MROH2A: variants seen among roughly 807,000 people sequenced by gnomAD.
MROH2A encodes the protein maestro heat like repeat family member 2A.
In MROH2A, 174 loss-of-function variants were observed where a neutral mutation model predicts 200.4. That is an observed-to-expected ratio of 0.87 (90% CI 0.77 to 0.98). The LOEUF (loss-of-function observed/expected upper bound fraction) is 0.98, where lower values mean the gene tolerates loss of function less well. Among genes scored for constraint, MROH2A ranks in the 50% least tolerant of loss-of-function variants. The pLI is 0.00. For synonymous variants in MROH2A, 829 were observed against 840.4 expected, an observed-to-expected ratio of 0.99 and a Z score of 0.23; for missense variants, 2,045 against 2,139.6, an observed-to-expected ratio of 0.96 and a Z score of 0.87.
At position 233,804,537 on chromosome 2, in the gene MROH2A, A is replaced by G. The variant is rs1011705394; in HGVS notation, c.1934A>G (p.Lys645Arg). 1.9e-5 allele frequency: 30 copies of G among 1,551,170 alleles called. No homozygotes were observed. Among genetic ancestry groups the G allele is most frequent in the African/African-American group, 1.9e-4 (14 of 73,046 alleles). ...TGGGATCAGAAAGCCTGGGAAGACA[A>G]GCTGATTCAGGTAAACGGGTAACAA... ...FTWDQKAWEDKLIQFLRNSLK... is the reference protein window; with the variant it reads ...FTWDQKAWEDRLIQFLRNSLK... The change falls in exon 18 of 42, where the codon AAG becomes AGG. Residue 645 changes from lysine to arginine, a missense_variant. This residue lies in a region of MROH2A where 1,201 missense variants were observed against 1,311.3 expected (regional missense o/e 0.92). Coordinates refer to ENST00000389758, the MANE Select transcript of MROH2A (RefSeq NM_001394639.1).
chr2:233,793,275 A>T (rs935719859), intron 6 of MROH2A, among the ~76,000 whole-genome samples: 1 of 152,160 alleles, frequency 6.6e-6, no homozygotes, highest in African/African-American at 2.4e-5. Context: ...ATGCTATTTC[A>T]ATCTGATCAC....
Position 233,788,062 on chromosome 2 carries a change from AT to A in MROH2A, c.277-1433del, listed in dbSNP as rs35843250. The stretch of plus-strand genomic sequence containing the variant: ...ATACATATATATTATATATACATAT[AT>A]TATATATATACATATATATTATATA... On this transcript the variant is annotated intron_variant, in intron 3 of 41. Transcript: ENST00000389758. Among the ~76,000 whole-genome samples the A allele has an allele frequency of 6.0e-4, 48 of 79,846 alleles. 3 individuals are homozygous for A. The highest frequency in any genetic ancestry group is 2.3e-3 in the African/African-American group (47 of 20,206). The allele number at this position is 79,846 out of a possible 152,430, so 52.4% of individuals were successfully genotyped here. A position where few individuals can be genotyped will look rare whatever the true frequency, so the allele number is the denominator to read the frequency against.
At position 233,822,954 on chromosome 2, in the gene MROH2A, C is replaced by T; in HGVS notation, c.3940C>T (p.Gln1314Ter). Residue 1314 changes from glutamine to a stop codon, truncating the protein, a stop_gained, in exon 34 of 42, where the codon CAG becomes TAG. Transcript: ENST00000389758. LOFTEE classifies it high-confidence loss of function. ...GCACCTGGCACATACCCTGGACGAG[C>T]AGGCAGTGTGGGACCTCCTGCAGGA... is the stretch of plus-strand genomic sequence containing the variant. ...SQHLAHTLDE[Q>*]AVWDLLQDGG... The T allele has an allele frequency of 6.4e-7, 1 of 1,550,608 alleles. No homozygotes were observed. The highest frequency in any genetic ancestry group is 8.7e-7 in the Non-Finnish European group (1 of 1,146,984).
chr2:233,814,930 C>G (rs1703412638), intron 26 of MROH2A, among the ~76,000 whole-genome samples: 1 of 152,220 alleles, frequency 6.6e-6, no homozygotes, highest in Non-Finnish European at 1.5e-5. Flanking sequence ...CACACACACA[C>G]ATCTTTTGAA....
At chr2:233,800,073 A>G in intron 13 of MROH2A, 132 bp from the exon 14 acceptor site, 1 of 1,104,430 alleles carries the variant, frequency 9.1e-7, no homozygotes, top group Non-Finnish European at 1.3e-6. Flanking sequence ...TCCTAGATAT[A>G]TGCACAGCTC....
At chr2:233,816,486 A>G (rs995639488) in intron 26 of MROH2A, among the ~76,000 whole-genome samples, 1 of 152,240 alleles carries the variant, frequency 6.6e-6, no homozygotes, top group Non-Finnish European at 1.5e-5. Flanking sequence ...TTATATCAGA[A>G]CGGCCTCTGG....
chr2:233,797,712 G>T (rs1411542725), intron 11 of MROH2A, among the ~76,000 whole-genome samples: 1 of 152,052 alleles, frequency 6.6e-6, no homozygotes. Flanking sequence ...ATTAGTATTT[G>T]CCCTAATGCT....
At chr2:233,814,218 A>G (rs1188673701) in intron 25 of MROH2A, among the ~76,000 whole-genome samples, 7 of 152,164 alleles carry the variant, frequency 4.6e-5, no homozygotes, top group Admixed American at 4.6e-4. Context: ...ACACAGTCAC[A>G]TGGCTCCACC....
In MROH2A at chr2:233,820,959, G is replaced by A. The variant is rs1703894854; in HGVS notation, c.3512+903G>A. Among the ~76,000 whole-genome samples, 1 of 152,146 alleles carries A rather than the reference G, an allele frequency of 6.6e-6. No individual in the cohort carries two copies. The highest frequency in any genetic ancestry group is 2.4e-5 in the African/African-American group (1 of 41,438). On this transcript the variant is annotated intron_variant, in intron 31 of 41. Coordinates refer to ENST00000389758, the MANE Select transcript of MROH2A (RefSeq NM_001394639.1). The surrounding 1 kb of genome is among the most constrained non-coding windows in gnomAD (Gnocchi z 4.1). ...GCTCAGTGGCTCATGAGGCAGTGCT[G>A]GGTGGGGGTAAGGGGGATGTGCGGT...
chr2:233,816,910 C>T lies in MROH2A; in HGVS notation c.2961+25C>T, dbSNP rs186342746. 550 of 1,375,490 alleles carry T rather than the reference C, an allele frequency of 4.0e-4. 2 individuals are homozygous for T. In the African/African-American group the frequency reaches 6.7e-3, roughly 17 times the overall value. 85.2% of individuals were successfully genotyped at this position (1,375,490 alleles called of 1,614,324 possible). A position where few individuals can be genotyped will look rare whatever the true frequency, so the allele number is the denominator to read the frequency against. On this transcript the variant is annotated intron_variant, in intron 27 of 41. Transcript: ENST00000389758. The stretch of plus-strand genomic sequence containing the variant: ...TGTGAGTCCAGGAGTCCCCAGCCCC[C>T]AGCCTGCTGCTCTGACATGCACAGA...
At position 233,811,953 on chromosome 2, in the gene MROH2A, A is replaced by C; in HGVS notation, c.2645A>C (p.His882Pro). 1 of 1,549,092 alleles carries C rather than the reference A, an allele frequency of 6.5e-7. No individual in the cohort carries two copies. Among genetic ancestry groups the C allele is most frequent in the African/African-American group, 1.4e-5 (1 of 73,060 alleles). ...GCCTTGGCGATGGAGGCCCTCTCGC[A>C]CCTGAGGTGAGCTGGGTTCCCACCC... ...VRALAMEALSHLSKLKPFYST... is the reference protein window; with the variant it reads ...VRALAMEALSPLSKLKPFYST... Residue 882 changes from histidine to proline, a missense_variant, in exon 24 of 42, where the codon CAC (histidine) becomes CCC (proline). Physicochemically the swap from His to Pro is moderately conservative, Grantham distance 77 (BLOSUM62 -2). Coordinates refer to ENST00000389758, the MANE Select transcript of MROH2A (RefSeq NM_001394639.1).
At chr2:233,818,839 G>C (rs1243608727) in intron 29 of MROH2A, 69 bp downstream of exon 29, 16 of 1,006,320 alleles carry the variant, frequency 1.6e-5, no homozygotes, top group Non-Finnish European at 2.1e-5. Context: ...CTCAGGGAGG[G>C]AGGCCTTCCT....
chr2:233,810,644 A>G, intron 22 of MROH2A, 150 bp from the exon 23 acceptor site: 1 of 1,027,818 alleles, frequency 9.7e-7, no homozygotes, highest in Non-Finnish European at 1.4e-6. Flanking sequence ...ATGTGGTCGA[A>G]GGACAGAGTG....
At chr2:233,784,115 T>C (rs1284273297) in intron 3 of MROH2A, among the ~76,000 whole-genome samples, 1 of 152,160 alleles carries the variant, frequency 6.6e-6, no homozygotes, top group Non-Finnish European at 1.5e-5. Flanking sequence ...TTTTAGTTCC[T>C]TAATGTGTAT....
intron 34 of MROH2A, 134 bp downstream of exon 34, chr2:233,823,152 T>A (rs1442679479): frequency 1.1e-6 from 1 of 932,924 alleles, no homozygotes; most frequent in Non-Finnish European, 1.6e-6. Context: ...CACGCCAACC[T>A]GTGACTCTAG....
At chr2:233,787,990 A>G (rs867507822) in intron 3 of MROH2A, among the ~76,000 whole-genome samples, 31 of 77,746 alleles carry the variant, frequency 4.0e-4, no homozygotes, top group African/African-American at 1.2e-3. Flanking sequence ...TTATATATAC[A>G]TATATTATAT....
Position 233,816,672 on chromosome 2 carries a change from G to A in MROH2A, c.2857-109G>A, listed in dbSNP as rs28900679. ...GGGGCCTGTCTAGAACCACAAGGAAGCATTGAAAGTCGATCTGAGTAGGAG... is the reference window on the plus strand; with the variant it reads ...GGGGCCTGTCTAGAACCACAAGGAAACATTGAAAGTCGATCTGAGTAGGAG... On this transcript the variant is annotated intron_variant, in intron 26 of 41. Coordinates refer to ENST00000389758, the MANE Select transcript of MROH2A (RefSeq NM_001394639.1). The A allele has an allele frequency of 5.7e-5, 37 of 644,878 alleles. No individual in the cohort carries two copies. The East Asian group carries it at 1.0e-3, about 18-fold the overall frequency. 39.9% of individuals were successfully genotyped at this position (644,878 alleles called of 1,614,324 possible).
At chr2:233,791,548 A>G (rs1575921724) in intron 5 of MROH2A, among the ~76,000 whole-genome samples, 2 of 152,008 alleles carry the variant, frequency 1.3e-5, no homozygotes, top group South Asian at 2.1e-4. Context: ...TTCAGAGGGC[A>G]GGTCTGGGCT....
rs555691587 is a variant in MROH2A at position 233,817,993 on chromosome 2, G to C, written c.2962-9G>C. ...AGAGGTGTGAGCCCCACGGTCTCCT[G>C]TCCCTCAGATCCACCTAAAGCTGGG... is the stretch of plus-strand genomic sequence containing the variant. On this transcript the variant is annotated splice_polypyrimidine_tract_variant and intron_variant, in intron 27 of 41. Coordinates refer to ENST00000389758, the MANE Select transcript of MROH2A (RefSeq NM_001394639.1). The C allele has an allele frequency of 1.9e-6, 3 of 1,550,832 alleles. No individual in the cohort carries two copies. The South Asian group carries it at 3.6e-5, about 18-fold the overall frequency.
Sources: gnomAD v4.1 joint callset for allele counts (sites outside exome capture counted in the v4.1 genomes callset) on GRCh38, gnomAD v4.1.1 for gene constraint, gnomAD v4.1.1 regional missense constraint, Gnocchi (gnomAD v3.1) non-coding constraint, MANE v1.5 for transcripts, NCBI Gene and HGNC (gene_info 2026-07-23, HGNC 2026-07-21) for gene names.